The following UNC13C variants were observed in gnomAD, a reference collection of about 807,000 sequenced individuals.
UNC13C encodes protein unc-13 homolog C.
Under a neutral mutation model 245.4 loss-of-function variants are expected in UNC13C, and 174 were observed. The ratio of observed to expected loss-of-function variants is 0.71; its 90% CI spans 0.63 to 0.80. UNC13C has a LOEUF of 0.80. Ranked by LOEUF, UNC13C falls within the 30% of genes least tolerant of loss-of-function variation. The probability of loss-of-function intolerance (pLI) is 0.00; values close to 1 mark genes in which losing one functional copy is unlikely to be tolerated. For synonymous variants in UNC13C, 992 were observed against 895.1 expected, an observed-to-expected ratio of 1.11 and a Z score of -1.93; for missense variants, 2,829 against 2,602.9, an observed-to-expected ratio of 1.09 and a Z score of -1.89.
intron 19 of UNC13C, among the ~76,000 whole-genome samples, chr15:54,463,350 C>T (rs1891984475): frequency 6.8e-6 from 1 of 145,986 alleles, no homozygotes; most frequent in South Asian, 2.2e-4. Context: ...GGTCCCCTTC[C>T]ACACTGTGGA....
chr15:54,355,539 G>A (rs11629995), intron 17 of UNC13C, among the ~76,000 whole-genome samples: 7,236 of 152,000 alleles, frequency 0.048, 250 homozygotes, highest in Admixed American at 0.11. Flanking sequence ...TGTATTTTTA[G>A]TAGAGACGGG....
Position 54,236,581 on chromosome 15 carries a change from C to G in UNC13C, c.3156+146C>G, listed in dbSNP as rs1470545754. 7.7e-6 allele frequency: 5 copies of G among 648,820 alleles called. No homozygotes were observed. In the South Asian group the frequency reaches 1.3e-4, roughly 17 times the overall value. The allele number at this position is 648,820 out of a possible 1,614,324, so 40.2% of individuals were successfully genotyped here. On this transcript the variant is annotated intron_variant, in intron 6 of 32. Transcript: ENST00000260323. ...AGAAGTTTGTTCTGCAAGAATTTAA[C>G]CTCTGGTTCAATTCTGAAAGAGAAA... is the stretch of plus-strand genomic sequence containing the variant.
chr15:54,342,392 C>T lies in UNC13C; in HGVS notation c.4713+3903C>T, dbSNP rs533982730. ...GCAACCTGGGCAACATAGCAAGACC[C>T]TATCTCTACAATTTTTTTTTTAATT... On this transcript the variant is annotated intron_variant, in intron 17 of 32. Transcript: ENST00000260323. 3.3e-5 allele frequency among the ~76,000 whole-genome samples: 5 copies of T among 152,112 alleles called. 2 individuals are homozygous for T. The highest frequency in any genetic ancestry group is 1.2e-4 in the African/African-American group (5 of 41,478).
At chr15:54,075,597 A>G (rs1162500281) in intron 2 of UNC13C, among the ~76,000 whole-genome samples, 2 of 148,532 alleles carry the variant, frequency 1.3e-5, no homozygotes, top group Non-Finnish European at 3.0e-5. Context: ...CAAAACTGCA[A>G]TTGCTTTTGC....
At chr15:54,053,321 C>A (rs1897353826) in intron 2 of UNC13C, among the ~76,000 whole-genome samples, 1 of 152,110 alleles carries the variant, frequency 6.6e-6, no homozygotes, top group African/African-American at 2.4e-5. Flanking sequence ...CATAAGCCAC[C>A]ATGCCCAGCC....
chr15:54,581,986 G>A (rs1898222723), intron 30 of UNC13C, among the ~76,000 whole-genome samples: 1 of 151,820 alleles, frequency 6.6e-6, no homozygotes, highest in African/African-American at 2.4e-5. Flanking sequence ...ACAGGTTAGT[G>A]TAAACCATTT....
At chr15:53,909,904 G>A in the UNC13C span, among the ~76,000 whole-genome samples, 17 of 146,446 alleles carry the variant, frequency 1.2e-4, 3 homozygotes, top group East Asian at 2.8e-3. Context: ...AGAGGAAGCA[G>A]TGTTACCTCG....
intron 2 of UNC13C, among the ~76,000 whole-genome samples, chr15:54,140,191 C>T (rs547553782): frequency 6.6e-6 from 1 of 152,076 alleles, no homozygotes; most frequent in Non-Finnish European, 1.5e-5. Flanking sequence ...CAAGTTACAG[C>T]AATCTGCCAT....
chr15:54,608,933 G>C (rs77501592), intron 30 of UNC13C, among the ~76,000 whole-genome samples: 3,056 of 152,272 alleles, frequency 0.02, 112 homozygotes, highest in African/African-American at 0.064. Flanking sequence ...CTGTAGGATA[G>C]TTAAATTTGT....
intron 19 of UNC13C, among the ~76,000 whole-genome samples, chr15:54,473,792 G>A (rs1184680689): frequency 6.6e-6 from 1 of 151,448 alleles, no homozygotes; most frequent in Non-Finnish European, 1.5e-5. Flanking sequence ...TGTTACACAT[G>A]TAGTGGTGAA....
chr15:54,209,647 C>G (rs779239838), intron 4 of UNC13C, among the ~76,000 whole-genome samples: 2 of 152,078 alleles, frequency 1.3e-5, no homozygotes, highest in Non-Finnish European at 2.9e-5. Context: ...CTCCTGGGCT[C>G]AAACAGTCGG....
In UNC13C at chr15:54,462,266, T is replaced by A. The variant is rs556260294; in HGVS notation, c.4934-32342T>A. Among the ~76,000 whole-genome samples the A allele has an allele frequency of 2.6e-5, 4 of 152,354 alleles. No individual in the cohort carries two copies. The East Asian group carries it at 7.7e-4, about 29-fold the overall frequency. ...GAGAAAATGTAAATCTCAGTGGATA[T>A]AAGAGGGAGTGAAATTGAGAGGTGA... On this transcript the variant is annotated intron_variant, in intron 19 of 32. Transcript: ENST00000260323.
In UNC13C at chr15:54,102,976, G is replaced by A. The variant is rs146894248; in HGVS notation, c.2984-40042G>A. Among the ~76,000 whole-genome samples the A allele has an allele frequency of 7.7e-3, 1,177 of 152,302 alleles. 22 individuals carry two copies. Among genetic ancestry groups the A allele is most frequent in the African/African-American group, 0.027 (1,140 of 41,562 alleles). On this transcript the variant is annotated intron_variant, in intron 2 of 32. Coordinates refer to ENST00000260323, the MANE Select transcript of UNC13C (RefSeq NM_001080534.3). ...TGCTGGAAGCCTGTTGGTGGCTGTCGTAGGTTAATACTTCTAGTCATGACA... is the reference window on the plus strand; with the variant it reads ...TGCTGGAAGCCTGTTGGTGGCTGTCATAGGTTAATACTTCTAGTCATGACA...
chr15:54,552,852 A>ATATAATT lies in UNC13C; in HGVS notation c.5878-2576_5878-2575insATTTATA, dbSNP rs1566905360. Among the ~76,000 whole-genome samples the ATATAATT allele has an allele frequency of 1.3e-4, 2 of 14,934 alleles. 1 individual carries two copies. Among genetic ancestry groups the ATATAATT allele is most frequent in the Admixed American group, 3.0e-3 (2 of 658 alleles). 9.8% of individuals were successfully genotyped at this position (14,934 alleles called of 152,430 possible). The stretch of plus-strand genomic sequence containing the variant: ...ATTATATTATATAGTACAATATATA[A>ATATAATT]TATATATTAATATATAATATATATT... On this transcript the variant is annotated intron_variant, in intron 28 of 32. Transcript: ENST00000260323.
chr15:54,353,233 T>G (rs1458332057), intron 17 of UNC13C, among the ~76,000 whole-genome samples: 1 of 152,082 alleles, frequency 6.6e-6, no homozygotes, highest in Admixed American at 6.6e-5. Flanking sequence ...GACCAATAAC[T>G]GAAATAGTGT....
intron 13 of UNC13C, among the ~76,000 whole-genome samples, chr15:54,310,607 A>G (rs1434027696): frequency 1.3e-5 from 2 of 151,696 alleles, no homozygotes; most frequent in African/African-American, 4.8e-5. Context: ...AGATGGAAAA[A>G]CTGAATCTAG....
At chr15:54,461,762 C>T (rs927307299) in intron 19 of UNC13C, among the ~76,000 whole-genome samples, 4 of 152,006 alleles carry the variant, frequency 2.6e-5, no homozygotes, top group Non-Finnish European at 4.4e-5. Flanking sequence ...GAAGGAGAGG[C>T]AAAGTATGTG....
intron 2 of UNC13C, among the ~76,000 whole-genome samples, chr15:54,122,057 A>G (rs894363476): frequency 1.3e-5 from 2 of 151,960 alleles, no homozygotes; most frequent in African/African-American, 2.4e-5. Flanking sequence ...TGGACTTTTT[A>G]ATGTAGCCAG....
chr15:54,261,316 G>A (rs975771807), intron 8 of UNC13C, among the ~76,000 whole-genome samples: 4 of 152,140 alleles, frequency 2.6e-5, no homozygotes, highest in African/African-American at 9.7e-5. Flanking sequence ...CCAAAGGGCT[G>A]GAAATTCATG....
Sources: gnomAD v4.1 joint callset for allele counts (sites outside exome capture counted in the v4.1 genomes callset) on GRCh38, gnomAD v4.1.1 for gene constraint, MANE v1.5 for transcripts, NCBI Gene and HGNC (gene_info 2026-07-23, HGNC 2026-07-21) for gene names.